The following CRYBB1 variants were observed in gnomAD, a reference collection of about 807,000 sequenced individuals.
The protein encoded by CRYBB1 is crystallin beta B1, also known as beta-crystallin B1.
A neutral mutation model predicts 29.5 loss-of-function variants in CRYBB1; 16 were observed. The ratio of observed to expected loss-of-function variants is 0.54; its 90% CI spans 0.37 to 0.82. The LOEUF (loss-of-function observed/expected upper bound fraction) is 0.82. CRYBB1 is among the 40% of genes least tolerant of loss of function. The pLI is 0.00. For synonymous variants in CRYBB1, 127 were observed against 136.7 expected (o/e 0.93, Z 0.49); for missense variants, 300 against 350.5 (o/e 0.86, Z 1.15).
chr22:26,617,170 T>A (rs1248915933), intron 1 of CRYBB1, among the ~76,000 whole-genome samples: 3 of 152,158 alleles, frequency 2.0e-5, no homozygotes, highest in Non-Finnish European at 4.4e-5. Flanking sequence ...AAATGAGGAC[T>A]GGGGCTGGGT....
chr22:26,599,482 G>T lies in CRYBB1; in HGVS notation c.*8C>A, dbSNP rs774804196. On this transcript the variant is annotated 3_prime_UTR_variant, in exon 6 of 6. Transcript: ENST00000647684. The stretch of plus-strand genomic sequence containing the variant: ...GGTTGGGGCAAGGTAGCAGAGTGAG[G>T]TGTGGACTCACTTGGGGGGCTCTGT... The T allele has an allele frequency of 9.9e-5, 159 of 1,607,978 alleles. No individual in the cohort carries two copies. Among genetic ancestry groups the T allele is most frequent in the Non-Finnish European group, 1.3e-4 (153 of 1,176,178 alleles).
rs764761132 is a variant in CRYBB1 at position 26,602,027 on chromosome 22, GA to G, written c.433-7del. 2 of 1,613,426 alleles carry G rather than the reference GA, an allele frequency of 1.2e-6. No homozygotes were observed. Among genetic ancestry groups the G allele is most frequent in the African/African-American group, 1.3e-5 (1 of 74,900 alleles). On this transcript the variant is annotated splice_region_variant and splice_polypyrimidine_tract_variant and intron_variant, in intron 4 of 5. Coordinates refer to ENST00000647684, the MANE Select transcript of CRYBB1 (RefSeq NM_001887.4). ...ATTTTGTGCTCCTGGGCATCCTGGGGAAAGAGAGGCCGGGTCAGGTGTGTGA... is the reference window on the plus strand; with the variant it reads ...ATTTTGTGCTCCTGGGCATCCTGGGGAAGAGAGGCCGGGTCAGGTGTGTGA...
chr22:26,601,645 T>C (rs910651415), intron 5 of CRYBB1, among the ~76,000 whole-genome samples: 8 of 151,528 alleles, frequency 5.3e-5, no homozygotes, highest in Non-Finnish European at 5.9e-5. Flanking sequence ...TTTCTCCATC[T>C]AACAGCTTTT....
In CRYBB1 at chr22:26,606,344, G is replaced by T. The variant is rs112672654; in HGVS notation, c.432+1545C>A. ...AATTTCAATATGTAACCAATATAATGATATCAATGCATTGTTGACATTCTT... is the reference window on the plus strand; with the variant it reads ...AATTTCAATATGTAACCAATATAATTATATCAATGCATTGTTGACATTCTT... On this transcript the variant is annotated intron_variant, in intron 4 of 5. Coordinates refer to ENST00000647684, the MANE Select transcript of CRYBB1 (RefSeq NM_001887.4). Among the ~76,000 whole-genome samples the T allele has an allele frequency of 4.2e-3, 641 of 152,214 alleles. 4 individuals carry two copies. Among genetic ancestry groups the T allele is most frequent in the African/African-American group, 0.015 (620 of 41,518 alleles).
rs183006118 is a variant in CRYBB1 at position 26,602,401 on chromosome 22, T to C, written c.433-380A>G. ...GGGTTCAAGACCAGCCTGGGCAACA[T>C]AGCAAGATCCTGTCTCTCAAAAAAA... On this transcript the variant is annotated intron_variant, in intron 4 of 5. Coordinates refer to ENST00000647684, the MANE Select transcript of CRYBB1 (RefSeq NM_001887.4). Among the ~76,000 whole-genome samples the C allele has an allele frequency of 2.8e-4, 43 of 151,942 alleles. 2 individuals carry two copies. The highest frequency in any genetic ancestry group is 2.7e-3 in the Admixed American group (41 of 15,254).
chr22:26,614,440 A>G (rs542390841), intron 2 of CRYBB1, among the ~76,000 whole-genome samples: 2 of 152,326 alleles, frequency 1.3e-5, no homozygotes, highest in East Asian at 3.9e-4. Context: ...CTATGTGAAT[A>G]TCGGGGCAGG....
chr22:26,604,185 C>T (rs546235063), intron 4 of CRYBB1, among the ~76,000 whole-genome samples: 7 of 152,268 alleles, frequency 4.6e-5, no homozygotes, highest in African/African-American at 1.2e-4. Flanking sequence ...ACCCACAGAC[C>T]TTGGTTCAAA....
intron 3 of CRYBB1, among the ~76,000 whole-genome samples, chr22:26,611,197 A>G (rs549707444): frequency 8.1e-4 from 124 of 152,260 alleles, no homozygotes; most frequent in South Asian, 3.7e-3. Context: ...CCACTTACCA[A>G]TAGGTGACCT....
At chr22:26,610,223 A>G (rs990201981) in intron 3 of CRYBB1, among the ~76,000 whole-genome samples, 5 of 152,150 alleles carry the variant, frequency 3.3e-5, no homozygotes, top group Non-Finnish European at 5.9e-5. Context: ...AACTGAGGCT[A>G]AGAGGGGTTA....
At chr22:26,605,879 A>T (rs762523962) in intron 4 of CRYBB1, among the ~76,000 whole-genome samples, 18 of 152,062 alleles carry the variant, frequency 1.2e-4, no homozygotes, top group Non-Finnish European at 1.9e-4. Context: ...CTGGACCAGG[A>T]CTGTGGCAGG....
At chr22:26,613,705 A>ATG (rs1229691463) in intron 2 of CRYBB1, among the ~76,000 whole-genome samples, 1 of 152,166 alleles carries the variant, frequency 6.6e-6, no homozygotes, top group Non-Finnish European at 1.5e-5. Flanking sequence ...ATTGTACAGC[A>ATG]TGTGTGTTTG....
At chr22:26,614,299 C>T (rs1189462205) in intron 2 of CRYBB1, among the ~76,000 whole-genome samples, 1 of 152,228 alleles carries the variant, frequency 6.6e-6, no homozygotes, top group Non-Finnish European at 1.5e-5. Context: ...GTTTTTGCAG[C>T]TTGTGGGGCA....
Position 26,607,916 on chromosome 22 carries a change from C to G in CRYBB1, c.405G>C (p.Arg135=). The stretch of plus-strand genomic sequence containing the variant: ...TTTTGATGGGCCGGAAGGACATGAG[C>G]CGATCACTGCGGTAGCTGCTCGACC... ...NTWSSSYRSD[R]LMSFRPIKMD... Residue 135 remains arginine, a synonymous_variant, in exon 4 of 6, where the codon CGG becomes CGC. Coordinates refer to ENST00000647684, the MANE Select transcript of CRYBB1 (RefSeq NM_001887.4). The G allele has an allele frequency of 6.2e-7, 1 of 1,614,224 alleles. No homozygotes were observed. Among genetic ancestry groups the G allele is most frequent in the Non-Finnish European group, 8.5e-7 (1 of 1,180,048 alleles).
At chr22:26,606,662 T>C (rs1333269343) in intron 4 of CRYBB1, among the ~76,000 whole-genome samples, 1 of 152,232 alleles carries the variant, frequency 6.6e-6, no homozygotes, top group Non-Finnish European at 1.5e-5. Flanking sequence ...CTGCGAAAAG[T>C]GTTGGGAATG....
intron 4 of CRYBB1, among the ~76,000 whole-genome samples, chr22:26,604,008 T>C (rs957919294): frequency 3.9e-5 from 6 of 152,242 alleles, no homozygotes; most frequent in African/African-American, 9.6e-5. Context: ...TTTAATGCTT[T>C]CATGACCCTG....
intron 5 of CRYBB1, among the ~76,000 whole-genome samples, chr22:26,601,610 C>T (rs555146038): frequency 8.1e-6 from 1 of 122,802 alleles, no homozygotes; most frequent in Admixed American, 8.2e-5. Flanking sequence ...CTCCTTCAAC[C>T]CCAACTAGGC....
chr22:26,615,452 G>A (rs1443181534), intron 2 of CRYBB1, among the ~76,000 whole-genome samples: 1 of 152,152 alleles, frequency 6.6e-6, no homozygotes, highest in East Asian at 1.9e-4. Context: ...CTTCAGCTGT[G>A]AAGCGGTATG....
Position 26,616,509 on chromosome 22 carries a change from C to T in CRYBB1, c.-19-171G>A, listed in dbSNP as rs57839407. 0.034 allele frequency among the ~76,000 whole-genome samples: 5,207 copies of T among 152,302 alleles called. 152 individuals carry two copies. Among genetic ancestry groups the T allele is most frequent in the East Asian group, 0.093 (483 of 5,188 alleles). On this transcript the variant is annotated intron_variant, in intron 1 of 5. Coordinates refer to ENST00000647684, the MANE Select transcript of CRYBB1 (RefSeq NM_001887.4). ...ATCCCTACTTCCCAGCCAAGACCTTCCCGTCTGGGGGCCACTCATCCCACA... is the reference window on the plus strand; with the variant it reads ...ATCCCTACTTCCCAGCCAAGACCTTTCCGTCTGGGGGCCACTCATCCCACA...
chr22:26,609,539 T>C (rs983079115), intron 3 of CRYBB1, among the ~76,000 whole-genome samples: 5 of 151,894 alleles, frequency 3.3e-5, no homozygotes, highest in African/African-American at 9.7e-5. Flanking sequence ...GGTAGATGGA[T>C]GGGTGGGTAG....
Sources: gnomAD v4.1 joint callset for allele counts (sites outside exome capture counted in the v4.1 genomes callset) on GRCh38, gnomAD v4.1.1 for gene constraint, MANE v1.5 for transcripts, NCBI Gene and HGNC (gene_info 2026-07-23, HGNC 2026-07-21) for gene names.